SMIM36: variants seen among roughly 807,000 people sequenced by gnomAD.
SMIM36 encodes small integral membrane protein 36.
At chr17:55,531,988 G>A in the SMIM36 span, among the ~76,000 whole-genome samples, 4 of 152,200 alleles carry the variant, frequency 2.6e-5, no homozygotes, top group Admixed American at 2.6e-4. Context: ...GTGACCCCAA[G>A]TACCCTCACT....
chr17:55,450,998 T>A (rs2034649407), intron 4 of SMIM36, among the ~76,000 whole-genome samples: 1 of 152,134 alleles, frequency 6.6e-6, no homozygotes, highest in African/African-American at 2.4e-5. Flanking sequence ...GCAATTCTCC[T>A]GCCTCAGCCT....
At chr17:55,478,315 C>G (rs938098130) in intron 3 of SMIM36, among the ~76,000 whole-genome samples, 7 of 151,730 alleles carry the variant, frequency 4.6e-5, no homozygotes, top group Non-Finnish European at 7.4e-5. Flanking sequence ...CTCACGGTAG[C>G]CTTGACTTCC....
chr17:55,500,020 T>C (rs1430124911), intron 1 of SMIM36, among the ~76,000 whole-genome samples: 2 of 152,068 alleles, frequency 1.3e-5, no homozygotes, highest in African/African-American at 4.8e-5. Flanking sequence ...TGTTTTTTTT[T>C]CTTTTTTTGT....
At chr17:55,490,454 G>A (rs1909683001) in intron 1 of SMIM36, among the ~76,000 whole-genome samples, 1 of 152,168 alleles carries the variant, frequency 6.6e-6, no homozygotes, top group Admixed American at 6.5e-5. Flanking sequence ...GAATGGGCCT[G>A]ACAGCTCATG....
chr17:55,486,539 A>G (rs921477780), intron 1 of SMIM36, among the ~76,000 whole-genome samples: 1 of 152,104 alleles, frequency 6.6e-6, no homozygotes, highest in Non-Finnish European at 1.5e-5. Context: ...CCACATGCCC[A>G]TTTCACTAGA....
intron 1 of SMIM36, among the ~76,000 whole-genome samples, chr17:55,507,583 T>TG (rs893092066): frequency 1.6e-5 from 1 of 61,662 alleles, no homozygotes; most frequent in Non-Finnish European, 2.9e-5. Context: ...TGTGGTGGGG[T>TG]GGGGGGAGGG....
At chr17:55,472,643 C>A (rs775239095) in intron 3 of SMIM36, among the ~76,000 whole-genome samples, 2 of 152,144 alleles carry the variant, frequency 1.3e-5, no homozygotes, top group African/African-American at 4.8e-5. Context: ...GAGGCTGAGG[C>A]GGGCGGATCA....
At chr17:55,466,148 G>A (rs1909231433) in intron 4 of SMIM36, among the ~76,000 whole-genome samples, 1 of 151,746 alleles carries the variant, frequency 6.6e-6, no homozygotes, top group South Asian at 2.1e-4. Context: ...ATGGTGGCGG[G>A]CACCTGTAAT....
At chr17:55,523,312 ACGATGT>A in the SMIM36 span, among the ~76,000 whole-genome samples, 15 of 152,218 alleles carry the variant, frequency 9.9e-5, no homozygotes, top group East Asian at 2.5e-3. Flanking sequence ...TGGGCAGATC[ACGATGT>A]CGGGAGATCG....
chr17:55,491,284 A>G (rs997091282), intron 1 of SMIM36, among the ~76,000 whole-genome samples: 2 of 151,796 alleles, frequency 1.3e-5, no homozygotes, highest in African/African-American at 4.8e-5. Context: ...GGTCAGAAAA[A>G]AAATCTTCAA....
At chr17:55,484,249 A>G (rs1310522541) in intron 1 of SMIM36, among the ~76,000 whole-genome samples, 1 of 152,228 alleles carries the variant, frequency 6.6e-6, no homozygotes, top group African/African-American at 2.4e-5. Context: ...CATTAAAAGG[A>G]AAGAGTTAAG....
the SMIM36 span, among the ~76,000 whole-genome samples, chr17:55,516,606 T>G: frequency 6.9e-6 from 1 of 144,104 alleles, no homozygotes; most frequent in Admixed American, 7.4e-5. Context: ...TCACCCAGGC[T>G]GGAGTGCAAT....
In SMIM36 at chr17:55,505,479, A is replaced by G. The variant is rs1348798252; in HGVS notation, c.*174+5400T>C. On this transcript the variant is annotated intron_variant, in intron 1 of 4. Transcript: ENST00000636752. ...AAACAGAACCAAAGACAAAAACCACATGATTATCTCAATAGATGCAGAAAA... is the reference window on the plus strand; with the variant it reads ...AAACAGAACCAAAGACAAAAACCACGTGATTATCTCAATAGATGCAGAAAA... 2.5e-4 allele frequency among the ~76,000 whole-genome samples: 17 copies of G among 69,242 alleles called. 4 individuals carry two copies. Among genetic ancestry groups the G allele is most frequent in the Non-Finnish European group, 3.8e-4 (17 of 44,166 alleles). The allele number at this position is 69,242 out of a possible 152,430, so 45.4% of individuals were successfully genotyped here.
intron 1 of SMIM36, among the ~76,000 whole-genome samples, chr17:55,481,062 GTC>G: frequency 6.6e-6 from 1 of 151,224 alleles, no homozygotes; most frequent in South Asian, 2.1e-4. Flanking sequence ...GTCTCTTTCT[GTC>G]TCTGTCTCCC....
At chr17:55,463,059 T>C (rs1909173258) in intron 4 of SMIM36, among the ~76,000 whole-genome samples, 1 of 152,010 alleles carries the variant, frequency 6.6e-6, no homozygotes, top group South Asian at 2.1e-4. Flanking sequence ...CTAATTGGAG[T>C]TCCACATGAT....
At chr17:55,480,527 C>T (rs1034822855) in intron 1 of SMIM36, among the ~76,000 whole-genome samples, 1 of 152,194 alleles carries the variant, frequency 6.6e-6, no homozygotes, top group Admixed American at 6.5e-5. Context: ...TGTTCAGCCA[C>T]TCACTGGTTG....
intron 1 of SMIM36, among the ~76,000 whole-genome samples, chr17:55,502,268 G>A (rs1436218385): frequency 1.4e-5 from 2 of 147,822 alleles, no homozygotes; most frequent in East Asian, 2.0e-4. Context: ...ACCTCTGGGG[G>A]CAGGGCACAG....
chr17:55,515,245 T>C (rs550440179), upstream of SMIM36, among the ~76,000 whole-genome samples: 1 of 152,142 alleles, frequency 6.6e-6, no homozygotes, highest in Admixed American at 6.5e-5. Context: ...AGTCCACTTG[T>C]CCCTCAAATT....
chr17:55,513,985 A>G (rs12948713), upstream of SMIM36, among the ~76,000 whole-genome samples: 60,235 of 152,014 alleles, frequency 0.4, 13,274 homozygotes, highest in Non-Finnish European at 0.5. Context: ...TATTTCTATT[A>G]GCAGAGAGTT....
Sources: gnomAD v4.1 joint callset for allele counts (sites outside exome capture counted in the v4.1 genomes callset) on GRCh38, gnomAD v4.1.1 for gene constraint, MANE v1.5 for transcripts, NCBI Gene and HGNC (gene_info 2026-07-23, HGNC 2026-07-21) for gene names.